SETX: variants seen among roughly 807,000 people sequenced by gnomAD.
SETX encodes the protein senataxin, also known as helicase senataxin.
A neutral mutation model predicts 227.2 loss-of-function variants in SETX; 90 were observed. That is an observed-to-expected ratio of 0.40 (90% confidence interval 0.33 to 0.47). The LOEUF (loss-of-function observed/expected upper bound fraction) is 0.47, where lower values mean the gene tolerates loss of function less well. SETX is among the 20% of genes least tolerant of loss of function. The pLI, the probability that SETX is intolerant of heterozygous loss-of-function variation, is 0.91. For synonymous variants in SETX, 1,210 were observed against 1,113.2 expected (o/e 1.09, Z -1.73); for missense variants, 3,052 against 3,181.5 (o/e 0.96, Z 0.98).
chr9:132,324,370 A>T (rs189569606), intron 10 of SETX, among the ~76,000 whole-genome samples: 44 of 152,360 alleles, frequency 2.9e-4, no homozygotes, highest in African/African-American at 9.9e-4. Flanking sequence ...AGCTTTATAA[A>T]AGCCATTTAT....
chr9:132,325,122 C>CG (rs1564534462), intron 10 of SETX, among the ~76,000 whole-genome samples: 3 of 152,104 alleles, frequency 2.0e-5, no homozygotes, highest in Non-Finnish European at 4.4e-5. Flanking sequence ...TTTGGGAGGC[C>CG]AAGGCGGGCA....
chr9:132,300,695 T>C lies in SETX; in HGVS notation c.5483A>G (p.Asn1828Ser). The stretch of plus-strand genomic sequence containing the variant: ...ATATTCGTGGAGATCTTGTATGTCA[T>C]TTCTCTCTGTATCTTTCTTCTCTTC... ...INEEKKDTER[N>S]DIQDLHEYHS... Residue 1828 changes from asparagine (N) to serine (S), a missense_variant, in exon 12 of 26, where the codon AAT (asparagine) becomes AGT (serine). Coordinates refer to ENST00000224140, the MANE Select transcript of SETX (RefSeq NM_015046.7). 6.2e-7 allele frequency: 1 copy of C among 1,613,702 alleles called. No homozygotes were observed. Among genetic ancestry groups the C allele is most frequent in the Non-Finnish European group, 8.5e-7 (1 of 1,179,882 alleles).
intron 12 of SETX, among the ~76,000 whole-genome samples, chr9:132,299,900 T>C (rs533708727): frequency 6.6e-6 from 1 of 152,058 alleles, no homozygotes; most frequent in East Asian, 1.9e-4. Flanking sequence ...CCCAGCACTT[T>C]GGGAGGTTGA....
Position 132,343,116 on chromosome 9 carries a change from G to A in SETX, c.389-317C>T, listed in dbSNP as rs549251608. ...GGGCGGATCACAAGGTCAGGAGATC[G>A]AGAACATCCTGGCTAACACGGTGAA... On this transcript the variant is annotated intron_variant, in intron 4 of 25. Coordinates refer to ENST00000224140, the MANE Select transcript of SETX (RefSeq NM_015046.7). Among the ~76,000 whole-genome samples, 83 of 152,078 alleles carry A rather than the reference G, an allele frequency of 5.5e-4. 1 individual carries two copies. The highest frequency in any genetic ancestry group is 7.5e-4 in the Non-Finnish European group (51 of 67,978).
At chr9:132,320,210 A>G (rs1170971828) in intron 10 of SETX, among the ~76,000 whole-genome samples, 2 of 152,208 alleles carry the variant, frequency 1.3e-5, no homozygotes, top group Non-Finnish European at 2.9e-5. Context: ...CACTTGCAAT[A>G]AAACATAACC....
chr9:132,333,547 G>A (rs553477943), intron 7 of SETX, among the ~76,000 whole-genome samples: 1 of 151,552 alleles, frequency 6.6e-6, no homozygotes, highest in South Asian at 2.1e-4. Flanking sequence ...TGCATGAAGA[G>A]AATGAGGGGA....
In SETX at chr9:132,338,643, A is replaced by G. The variant is rs143042300; in HGVS notation, c.499-2128T>C. Among the ~76,000 whole-genome samples, 22 of 152,330 alleles carry G rather than the reference A, an allele frequency of 1.4e-4. No individual in the cohort carries two copies. In the East Asian group the frequency reaches 4.2e-3, roughly 29 times the overall value. On this transcript the variant is annotated intron_variant, in intron 5 of 25. Coordinates refer to ENST00000224140, the MANE Select transcript of SETX (RefSeq NM_015046.7). ...TATTATTTCCCTGATCATTAAATAG[A>G]AAACATTCCTTCATATATTTATTAG...
At chr9:132,266,088 TTTAGAAAGAAGAAAGAAA>T (rs1842635932) in intron 25 of SETX, 1 of 152,216 alleles carries the variant, frequency 6.6e-6, no homozygotes, top group Admixed American at 6.5e-5. Context: ...TTCGGGTCTC[TTTAGAAAGAAGAAAGAAA>T]AGAAGAAAAA....
intron 6 of SETX, among the ~76,000 whole-genome samples, chr9:132,335,252 G>A (rs546330326): frequency 9.2e-4 from 140 of 151,776 alleles, no homozygotes; most frequent in Non-Finnish European, 1.0e-3. Flanking sequence ...TTAGCCAGGC[G>A]TGGTGGCAGG....
intron 9 of SETX, 106 bp downstream of exon 9, chr9:132,330,946 A>G (rs1847185425): frequency 1.1e-6 from 1 of 880,560 alleles, no homozygotes; most frequent in Admixed American, 1.8e-5. Context: ...CAGTAGATTG[A>G]GAACAGCTAC....
At chr9:132,294,608 A>T (rs1316826938) in intron 15 of SETX, among the ~76,000 whole-genome samples, 1 of 152,264 alleles carries the variant, frequency 6.6e-6, no homozygotes, top group African/African-American at 2.4e-5. Context: ...GACATGTTCC[A>T]GCCTCTCTTA....
rs1210648570 is a variant in SETX, at chr9:132,262,695, C to G, written c.*1544G>C. On this transcript the variant is annotated 3_prime_UTR_variant, in exon 26 of 26. Transcript: ENST00000224140. ...CAGGTAATGAAATCAAATGCTCAAA[C>G]TTTTGGCAACCGAAAGTTGTTTTTT... 1 of 152,644 alleles carries G rather than the reference C, an allele frequency of 6.6e-6. No homozygotes were observed. The highest frequency in any genetic ancestry group is 1.5e-5 in the Non-Finnish European group (1 of 68,036). 9.5% of individuals were successfully genotyped at this position (152,644 alleles called of 1,614,324 possible).
At chr9:132,309,137 C>CA (rs1260555266) in intron 11 of SETX, among the ~76,000 whole-genome samples, 1 of 151,902 alleles carries the variant, frequency 6.6e-6, no homozygotes, top group Non-Finnish European at 1.5e-5. Flanking sequence ...GATTCCATCT[C>CA]AAAAAACAGA....
chr9:132,305,395 A>T (rs959280161), intron 11 of SETX, among the ~76,000 whole-genome samples: 4 of 151,726 alleles, frequency 2.6e-5, no homozygotes, highest in African/African-American at 9.7e-5. Context: ...AAACCTCAAA[A>T]ATGAAAAAAA....
At chr9:132,292,715 C>T (rs1844414714) in intron 15 of SETX, among the ~76,000 whole-genome samples, 1 of 151,006 alleles carries the variant, frequency 6.6e-6, no homozygotes, top group Non-Finnish European at 1.5e-5. Flanking sequence ...CTGCAAGCTC[C>T]GCCTCCCGGG....
chr9:132,277,954 A>T (rs1201121897), intron 21 of SETX, 116 bp downstream of exon 21: 1 of 1,014,060 alleles, frequency 9.9e-7, no homozygotes, highest in Admixed American at 1.9e-5. Context: ...CAAAATTATT[A>T]ACCCTTCATG....
chr9:132,271,680 T>C, intron 24 of SETX, 30 bp downstream of exon 24: 2 of 1,536,766 alleles, frequency 1.3e-6, no homozygotes, highest in Non-Finnish European at 1.8e-6. Flanking sequence ...TGTATACAAG[T>C]ATAAAAGAGC....
In SETX at chr9:132,288,404, C is replaced by CT; in HGVS notation, c.6209-54_6209-53insA. ...TATGCTATTCTAATTCTAACAAACT[C>CT]ACACACATATACAACACAATGAGAA... On this transcript the variant is annotated intron_variant, in intron 16 of 25. Transcript: ENST00000224140. The CT allele has an allele frequency of 5.5e-6, 8 of 1,465,322 alleles. 1 individual carries two copies. In the South Asian group the frequency reaches 9.3e-5, roughly 17 times the overall value. 90.8% of individuals were successfully genotyped at this position (1,465,322 alleles called of 1,614,324 possible). A position where few individuals can be genotyped will look rare whatever the true frequency, so the allele number is the denominator to read the frequency against.
At chr9:132,320,837 C>T (rs200460168) in intron 10 of SETX, among the ~76,000 whole-genome samples, 1 of 151,606 alleles carries the variant, frequency 6.6e-6, no homozygotes, top group Admixed American at 6.6e-5. Flanking sequence ...GAAGAGGAGA[C>T]AACAGTAACC....
Sources: allele counts gnomAD v4.1 joint callset (sites outside exome capture counted in the v4.1 genomes callset), GRCh38; gene constraint gnomAD v4.1.1; transcripts MANE v1.5; gene names NCBI Gene and HGNC (gene_info 2026-07-23, HGNC 2026-07-21).